The following MARK2 variants were observed in gnomAD, a reference collection of about 807,000 sequenced individuals.
The protein encoded by MARK2 is microtubule affinity regulating kinase 2, also known as serine/threonine-protein kinase MARK2.
Under a neutral mutation model 89.8 loss-of-function variants are expected in MARK2, and 16 were observed. That is an observed-to-expected ratio of 0.18 (90% CI 0.12 to 0.27). The LOEUF (loss-of-function observed/expected upper bound fraction) is 0.27, where lower values mean the gene tolerates loss of function less well. Among genes scored for constraint, MARK2 ranks in the 10% least tolerant of loss-of-function variants. The pLI, the probability that MARK2 is intolerant of heterozygous loss-of-function variation, is 1.00. For synonymous variants in MARK2, 382 were observed against 399.5 expected (o/e 0.96, Z 0.52); for missense variants, 621 against 1,049.9 (o/e 0.59, Z 5.65).
chr11:63,844,732 C>T (rs528007159), intron 1 of MARK2, among the ~76,000 whole-genome samples: 19 of 152,268 alleles, frequency 1.2e-4, no homozygotes, highest in African/African-American at 4.3e-4. Flanking sequence ...TTGCAGGGTT[C>T]GAGCTTTTGG....
intron 1 of MARK2, among the ~76,000 whole-genome samples, chr11:63,860,070 G>A (rs998888932): frequency 3.9e-5 from 6 of 152,182 alleles, no homozygotes; most frequent in African/African-American, 7.2e-5. Flanking sequence ...AAGTCCTTAA[G>A]TGACAGGGAA....
chr11:63,853,623 T>C (rs2016683188), intron 1 of MARK2, among the ~76,000 whole-genome samples: 1 of 152,162 alleles, frequency 6.6e-6, no homozygotes, highest in East Asian at 1.9e-4. Flanking sequence ...TCATGACTTA[T>C]CCTGGAACAA....
rs1302663150 is a variant in MARK2 at position 63,876,366 on chromosome 11, A to G, written c.55-18793A>G. Among the ~76,000 whole-genome samples, 6 of 152,220 alleles carry G rather than the reference A, an allele frequency of 3.9e-5. No individual in the cohort carries two copies. In the East Asian group the frequency reaches 1.2e-3, roughly 29 times the overall value. On this transcript the variant is annotated intron_variant, in intron 1 of 18. Coordinates refer to ENST00000402010, the MANE Select transcript of MARK2 (RefSeq NM_001039469.3). ...CTGGCAACCTACAGAATAAGTTGGGAAAGGATATGTAATTATAGAAATAAC... is the reference window on the plus strand; with the variant it reads ...CTGGCAACCTACAGAATAAGTTGGGGAAGGATATGTAATTATAGAAATAAC...
chr11:63,864,176 G>A (rs562340111), intron 1 of MARK2, among the ~76,000 whole-genome samples: 4 of 151,938 alleles, frequency 2.6e-5, no homozygotes, highest in South Asian at 2.1e-4. Context: ...GGATGGTCTC[G>A]ATCTCCTGAC....
At position 63,903,364 on chromosome 11, in the gene MARK2, T is replaced by C. The variant is rs1941059765; in HGVS notation, c.1514+206T>C. On this transcript the variant is annotated intron_variant, in intron 14 of 18. Coordinates refer to ENST00000402010, the MANE Select transcript of MARK2 (RefSeq NM_001039469.3). The surrounding 1 kb of genome is among the most constrained non-coding windows in gnomAD (Gnocchi z 5.1). ...ATCTTCCTCTGACTGCTACTTGCAG[T>C]TTGCCAAGTGTGGGGCTGACCGTGG... 7 of 576,066 alleles carry C rather than the reference T, an allele frequency of 1.2e-5. No individual in the cohort carries two copies. The highest frequency in any genetic ancestry group is 1.2e-4 in the South Asian group (6 of 51,020). The allele number at this position is 576,066 out of a possible 1,614,324, so 35.7% of individuals were successfully genotyped here. A position where few individuals can be genotyped will look rare whatever the true frequency, so the allele number is the denominator to read the frequency against.
At chr11:63,843,311 G>A (rs2016114884) in intron 1 of MARK2, among the ~76,000 whole-genome samples, 1 of 152,298 alleles carries the variant, frequency 6.6e-6, no homozygotes, top group Non-Finnish European at 1.5e-5. Context: ...GAGTTCACCT[G>A]CTAGAGTTTT....
intron 1 of MARK2, among the ~76,000 whole-genome samples, chr11:63,841,957 G>A (rs2016042182): frequency 6.6e-6 from 1 of 152,204 alleles, no homozygotes; most frequent in African/African-American, 2.4e-5. Flanking sequence ...TGACCATTTG[G>A]GAATGTAAGT....
rs571245446 is a variant in MARK2, at chr11:63,852,950, C to A, written c.54+13390C>A. ...AAAAGTCACTGAAGCCTCTATCTAA[C>A]AGGATAAGTTGCCACATTGCTTTGG... On this transcript the variant is annotated intron_variant, in intron 1 of 18. Coordinates refer to ENST00000402010, the MANE Select transcript of MARK2 (RefSeq NM_001039469.3). 2.6e-5 allele frequency among the ~76,000 whole-genome samples: 4 copies of A among 152,314 alleles called. No homozygotes were observed. In the South Asian group the frequency reaches 8.3e-4, roughly 32 times the overall value.
rs968053386 is a variant in MARK2, at chr11:63,903,886, C to T, written c.1515-100C>T. Reference sequence around the variant, plus strand: ...AGGCCTGACTTCTACCCTGCCAGAGCTCCCCAGCTCTGGCCCTTCCCCTGC... The same window carrying T: ...AGGCCTGACTTCTACCCTGCCAGAGTTCCCCAGCTCTGGCCCTTCCCCTGC... On this transcript the variant is annotated intron_variant, in intron 14 of 18. Transcript: ENST00000402010. This position sits in a 1 kb window ranked among gnomAD's most constrained non-coding sequence, Gnocchi z 5.1. 4.2e-5 allele frequency: 41 copies of T among 982,218 alleles called. No homozygotes were observed. The highest frequency in any genetic ancestry group is 3.1e-5 in the Non-Finnish European group (21 of 670,956). The allele number at this position is 982,218 out of a possible 1,614,324, so 60.8% of individuals were successfully genotyped here. A position where few individuals can be genotyped will look rare whatever the true frequency, so the allele number is the denominator to read the frequency against.
chr11:63,898,640 A>G lies in MARK2; in HGVS notation c.370A>G (p.Thr124Ala). Residue 124 changes from threonine (T) to alanine (A), a missense_variant, in exon 5 of 19, where the codon ACG (threonine) becomes GCG (alanine). This residue lies in a region of MARK2 where 82 missense variants were observed against 287.7 expected (regional missense o/e 0.29). Coordinates refer to ENST00000402010, the MANE Select transcript of MARK2 (RefSeq NM_001039469.3). ...KLFEVIETEK[T>A]LYLVMEYASG... ...ATTTGAAGTGATTGAGACTGAGAAA[A>G]CGCTCTACCTTGTCATGGAGTACGC... 6.2e-7 allele frequency: 1 copy of G among 1,614,132 alleles called. No individual in the cohort carries two copies. The highest frequency in any genetic ancestry group is 8.5e-7 in the Non-Finnish European group (1 of 1,180,014).
At chr11:63,888,999 C>G (rs776684608) in intron 1 of MARK2, 1 of 1,330,158 alleles carries the variant, frequency 7.5e-7, no homozygotes, top group East Asian at 4.6e-5. Flanking sequence ...AGGATTGCCT[C>G]CTCCTCTTTC....
At chr11:63,840,132 T>G (rs751039756) in intron 1 of MARK2, among the ~76,000 whole-genome samples, 2 of 152,156 alleles carry the variant, frequency 1.3e-5, no homozygotes, top group Non-Finnish European at 2.9e-5. Context: ...GCTCTCCCTC[T>G]TGCTTGCAAC....
chr11:63,908,607 G>C (rs1449362238), intron 18 of MARK2, among the ~76,000 whole-genome samples: 2 of 152,334 alleles, frequency 1.3e-5, no homozygotes, highest in Non-Finnish European at 2.9e-5. Flanking sequence ...TTTCTGGAGA[G>C]AGAGTCTGTG....
At chr11:63,858,721 A>C (rs902609133) in intron 1 of MARK2, among the ~76,000 whole-genome samples, 2 of 152,240 alleles carry the variant, frequency 1.3e-5, no homozygotes, top group Non-Finnish European at 2.9e-5. Context: ...TGACGTCATC[A>C]GTAAGAGTAA....
At chr11:63,866,260 G>A (rs1173408561) in intron 1 of MARK2, among the ~76,000 whole-genome samples, 1 of 150,812 alleles carries the variant, frequency 6.6e-6, no homozygotes, top group Non-Finnish European at 1.5e-5. Context: ...ACTGAGGCAC[G>A]AGAATTGCTT....
chr11:63,877,736 T>C (rs1350993331), intron 1 of MARK2, among the ~76,000 whole-genome samples: 1 of 152,090 alleles, frequency 6.6e-6, no homozygotes, highest in Non-Finnish European at 1.5e-5. Flanking sequence ...TAATGGAAAA[T>C]GGCTGTCATC....
chr11:63,878,764 C>T (rs1021863135), intron 1 of MARK2, among the ~76,000 whole-genome samples: 4 of 152,012 alleles, frequency 2.6e-5, no homozygotes, highest in Non-Finnish European at 5.9e-5. Context: ...GATCTGTTCC[C>T]GGGTCCTGAG....
At chr11:63,878,839 C>T (rs1938930474) in intron 1 of MARK2, among the ~76,000 whole-genome samples, 1 of 152,086 alleles carries the variant, frequency 6.6e-6, no homozygotes, top group African/African-American at 2.4e-5. Context: ...ATTCACGTAC[C>T]CCTTGAAATA....
chr11:63,909,458 T>G lies in MARK2; in HGVS notation c.*221T>G. 9.0e-6 allele frequency: 4 copies of G among 445,464 alleles called. No homozygotes were observed. The highest frequency in any genetic ancestry group is 1.6e-5 in the Non-Finnish European group (4 of 255,110). The allele number at this position is 445,464 out of a possible 1,614,324, so 27.6% of individuals were successfully genotyped here. On this transcript the variant is annotated 3_prime_UTR_variant, in exon 19 of 19. Coordinates refer to ENST00000402010, the MANE Select transcript of MARK2 (RefSeq NM_001039469.3). ...TCACCCCTGCCCAGAGATTCCCCCTTCTCCTCTCCCCTACTGGAGGCAAAG... is the reference window on the plus strand; with the variant it reads ...TCACCCCTGCCCAGAGATTCCCCCTGCTCCTCTCCCCTACTGGAGGCAAAG...
Sources: allele counts gnomAD v4.1 joint callset (sites outside exome capture counted in the v4.1 genomes callset), GRCh38; gene constraint gnomAD v4.1.1; regional missense constraint gnomAD v4.1.1; non-coding constraint Gnocchi (gnomAD v3.1); transcripts MANE v1.5; gene names NCBI Gene and HGNC (gene_info 2026-07-23, HGNC 2026-07-21).